Variants in AKNA observed in about 807,000 individuals in gnomAD.
AKNA encodes AT-hook transcription factor, also known as microtubule organization protein AKNA.
A neutral mutation model predicts 138.8 loss-of-function variants in AKNA; 67 were observed. The ratio of observed to expected loss-of-function variants is 0.48; its 90% CI spans 0.40 to 0.59. AKNA has a LOEUF of 0.59. AKNA is among the 20% of genes least tolerant of loss of function. AKNA has a pLI of 0.00. For synonymous variants in AKNA, 737 were observed against 754.4 expected, an observed-to-expected ratio of 0.98 and a Z score of 0.38; for missense variants, 1,813 against 1,880.4, an observed-to-expected ratio of 0.96 and a Z score of 0.66.
rs765708804 is a variant in AKNA at position 114,357,893 on chromosome 9, G to A, written c.2739+28C>T. 14 of 1,592,940 alleles carry A rather than the reference G, an allele frequency of 8.8e-6. No homozygotes were observed. In the East Asian group the frequency reaches 2.7e-4, roughly 31 times the overall value. Reference sequence around the variant, plus strand: ...GACCCAGGAATGACCCTGAGGTTCTGGGCCCATTCCCCCATGTGGAGACTT... The same window carrying A: ...GACCCAGGAATGACCCTGAGGTTCTAGGCCCATTCCCCCATGTGGAGACTT... On this transcript the variant is annotated intron_variant, in intron 12 of 21. Coordinates refer to ENST00000374088, the MANE Select transcript of AKNA (RefSeq NM_001317950.2).
At chr9:114,340,244 C>T (rs1251994879) in intron 21 of AKNA, among the ~76,000 whole-genome samples, 1 of 152,200 alleles carries the variant, frequency 6.6e-6, no homozygotes. Context: ...TGCCTACACA[C>T]CCAGGCTTCT....
intron 2 of AKNA, among the ~76,000 whole-genome samples, chr9:114,377,814 A>G (rs1035060204): frequency 6.6e-6 from 1 of 152,208 alleles, no homozygotes; most frequent in Non-Finnish European, 1.5e-5. Context: ...CATACAGGCC[A>G]GAAGGCTGGG....
At chr9:114,363,349 G>A (rs2131944576) in intron 7 of AKNA, among the ~76,000 whole-genome samples, 1 of 152,356 alleles carries the variant, frequency 6.6e-6, no homozygotes, top group Non-Finnish European at 1.5e-5. Flanking sequence ...CAACTCTGAG[G>A]AGAGACAGAA....
chr9:114,373,953 G>A, intron 4 of AKNA, 140 bp downstream of exon 4: 2 of 797,084 alleles, frequency 2.5e-6, no homozygotes, highest in East Asian at 5.6e-5. Context: ...GAGGGACCTT[G>A]GGGTAGAAGA....
chr9:114,374,261 G>A lies in AKNA; in HGVS notation c.1342-94C>T, dbSNP rs1158466431. The A allele has an allele frequency of 5.7e-5, 70 of 1,227,114 alleles. 2 individuals carry two copies. Among genetic ancestry groups the A allele is most frequent in the Middle Eastern group, 3.7e-4 (2 of 5,442 alleles). The allele number at this position is 1,227,114 out of a possible 1,614,324, so 76.0% of individuals were successfully genotyped here. ...CTGATAGCAAACCCCCTTCCATAAG[G>A]GCTTCTGGGTTCCTGAGAGGAAAGC... On this transcript the variant is annotated intron_variant, in intron 3 of 21. Transcript: ENST00000374088.
chr9:114,381,274 C>A lies in AKNA; in HGVS notation c.60G>T (p.Gln20His), dbSNP rs1281223207. Residue 20 changes from glutamine (Q) to histidine (H), a missense_variant, in exon 2 of 22, where the codon CAG (glutamine) becomes CAT (histidine). Physicochemically the swap from Gln to His is conservative, Grantham distance 24 (BLOSUM62 0). Coordinates refer to ENST00000374088, the MANE Select transcript of AKNA (RefSeq NM_001317950.2). ...CCTCGGCCCAGGCCCAGCGCCGCCGCTGGGGGCCCTTCCCCAGGCCAGGCT... is the reference window on the plus strand; with the variant it reads ...CCTCGGCCCAGGCCCAGCGCCGCCGATGGGGGCCCTTCCCCAGGCCAGGCT... ...WAEPGLGKGP[Q>H]RRRWAWAEDK... 6.2e-7 allele frequency: 1 copy of A among 1,612,856 alleles called. No homozygotes were observed. The highest frequency in any genetic ancestry group is 8.5e-7 in the Non-Finnish European group (1 of 1,179,464).
In AKNA at chr9:114,361,766, T is replaced by C. The variant is rs752913647; in HGVS notation, c.2062A>G (p.Thr688Ala). 3.7e-6 allele frequency: 6 copies of C among 1,613,642 alleles called. No individual in the cohort carries two copies. Among genetic ancestry groups the C allele is most frequent in the African/African-American group, 2.7e-5 (2 of 74,896 alleles). The change falls in exon 9 of 22, where the codon ACG becomes GCG. Residue 688 changes from threonine to alanine, a missense_variant. Thr to Ala is a moderately conservative substitution (Grantham distance 58, BLOSUM62 0). Transcript: ENST00000374088. ...TGTCCAGAAGGAGCAGGCAGGTGCG[T>C]TGGCTGATGGAGGCAGGGCAGGGCT... The part of the protein sequence containing the change: ...TPALPCLHQP[T>A]HLPAPSGQAP...
intron 6 of AKNA, 151 bp from the exon 7 acceptor site, chr9:114,364,770 A>AAGCTT (rs1832222450): frequency 1.4e-6 from 1 of 734,148 alleles, no homozygotes; most frequent in African/African-American, 1.8e-5. Context: ...TGCTGGGAAC[A>AAGCTT]GCTTCTACCA....
intron 6 of AKNA, among the ~76,000 whole-genome samples, chr9:114,366,988 T>TAGC (rs1832410519): frequency 1.3e-5 from 2 of 152,218 alleles, no homozygotes; most frequent in African/African-American, 4.8e-5. Flanking sequence ...ACTTCTGTTT[T>TAGC]CAGAATGTGG....
At chr9:114,350,783 C>T (rs540922624) in intron 15 of AKNA, 76 bp downstream of exon 15, 3 of 1,457,156 alleles carry the variant, frequency 2.1e-6, no homozygotes, top group Middle Eastern at 2.6e-4. Flanking sequence ...TCTCCACCTC[C>T]ACCTGCTAAC....
chr9:114,333,118 A>C, downstream of AKNA: 1 of 1,581,992 alleles, frequency 6.3e-7, no homozygotes, highest in Non-Finnish European at 8.6e-7. Flanking sequence ...AGGAAACAGG[A>C]GGAGGGGGAA....
At chr9:114,374,188 A>G in intron 3 of AKNA, 21 bp from the exon 4 acceptor site, 1 of 1,552,488 alleles carries the variant, frequency 6.4e-7, no homozygotes, top group East Asian at 2.4e-5. Flanking sequence ...CGGGAGCAAC[A>G]CGGTCACATG....
chr9:114,347,700 G>A, intron 16 of AKNA, 24 bp downstream of exon 16: 2 of 1,507,874 alleles, frequency 1.3e-6, no homozygotes, highest in African/African-American at 1.4e-5. Flanking sequence ...CCAGGACAGA[G>A]GTGGGAGTTT....
intron 15 of AKNA, among the ~76,000 whole-genome samples, chr9:114,350,326 C>T (rs763888792): frequency 1.4e-4 from 21 of 152,078 alleles, no homozygotes; most frequent in Admixed American, 3.9e-4. Flanking sequence ...CAGCGCATCC[C>T]GGGACAGACA....
intron 14 of AKNA, among the ~76,000 whole-genome samples, chr9:114,354,990 T>C (rs981081736): frequency 2.0e-5 from 3 of 149,406 alleles, no homozygotes; most frequent in African/African-American, 7.4e-5. Flanking sequence ...TTCTCATGCC[T>C]CAGCCTCCTG....
intron 14 of AKNA, among the ~76,000 whole-genome samples, chr9:114,354,666 T>C (rs1282942474): frequency 1.3e-5 from 2 of 149,872 alleles, no homozygotes; most frequent in African/African-American, 2.5e-5. Flanking sequence ...TGAGCCGAGA[T>C]TGTGCCACTG....
chr9:114,342,264 G>A (rs567709643), intron 19 of AKNA, 139 bp from the exon 20 acceptor site: 17 of 598,936 alleles, frequency 2.8e-5, no homozygotes, highest in Non-Finnish European at 4.9e-5. Flanking sequence ...TCTGGGTGAT[G>A]ACATTGACAA....
intron 21 of AKNA, among the ~76,000 whole-genome samples, chr9:114,338,633 G>A (rs1235110952): frequency 6.6e-6 from 1 of 152,204 alleles, no homozygotes; most frequent in African/African-American, 2.4e-5. Flanking sequence ...AGCAGCTCAG[G>A]CCCTGGAGCC....
upstream of AKNA, among the ~76,000 whole-genome samples, chr9:114,391,050 C>G (rs1834314718): frequency 6.6e-6 from 1 of 152,214 alleles, no homozygotes; most frequent in Non-Finnish European, 1.5e-5. Context: ...ATCCACTCAA[C>G]CTAGCTACTT....
Sources: gnomAD v4.1 joint callset for allele counts (sites outside exome capture counted in the v4.1 genomes callset) on GRCh38, gnomAD v4.1.1 for gene constraint, MANE v1.5 for transcripts, NCBI Gene and HGNC (gene_info 2026-07-23, HGNC 2026-07-21) for gene names.